SHC4: variants seen among roughly 807,000 people sequenced by gnomAD.
The protein encoded by SHC4 is SHC-transforming protein 4.
In SHC4, 41 loss-of-function variants were observed where a neutral mutation model predicts 69.4. The observed-to-expected ratio is 0.59, with a 90% CI of 0.46 to 0.77. The LOEUF is 0.77. SHC4 is among the 30% of genes least tolerant of loss of function. The probability of loss-of-function intolerance (pLI) is 0.00; values close to 1 mark genes in which losing one functional copy is unlikely to be tolerated. For missense variants in SHC4, 777 were observed against 783.8 expected, an observed-to-expected ratio of 0.99 and a Z score of 0.10; for synonymous variants, 318 against 299.3, an observed-to-expected ratio of 1.06 and a Z score of -0.64.
intron 2 of SHC4, among the ~76,000 whole-genome samples, chr15:48,891,917 C>T (rs1360732244): frequency 6.6e-6 from 1 of 152,150 alleles, no homozygotes; most frequent in East Asian, 1.9e-4. Context: ...TGCAGTGGCG[C>T]GATCTCAGCT....
At chr15:48,958,971 C>T (rs1284782980) in intron 1 of SHC4, among the ~76,000 whole-genome samples, 1 of 152,216 alleles carries the variant, frequency 6.6e-6, no homozygotes, top group Admixed American at 6.5e-5. Context: ...AAAGTCTGAG[C>T]TTCAATTAAA....
intron 4 of SHC4, among the ~76,000 whole-genome samples, chr15:48,881,375 C>CAAA (rs34708269): frequency 2.1e-4 from 23 of 109,036 alleles, no homozygotes; most frequent in East Asian, 9.6e-4. Flanking sequence ...AAAAACAAAG[C>CAAA]AAAAAAAAAA....
chr15:48,855,030 G>A (rs529486311), intron 8 of SHC4, among the ~76,000 whole-genome samples: 60 of 152,234 alleles, frequency 3.9e-4, no homozygotes, highest in African/African-American at 1.4e-3. Context: ...GGGCCTATGT[G>A]AGAGTGAAGG....
chr15:48,960,051 A>C (rs1423767297), intron 1 of SHC4, among the ~76,000 whole-genome samples: 1 of 152,232 alleles, frequency 6.6e-6, no homozygotes, highest in Non-Finnish European at 1.5e-5. Flanking sequence ...ACTTCATAAG[A>C]GATGTCATTA....
intron 1 of SHC4, among the ~76,000 whole-genome samples, chr15:48,961,685 C>G (rs568455787): frequency 1.3e-5 from 2 of 152,218 alleles, no homozygotes; most frequent in Non-Finnish European, 2.9e-5. Flanking sequence ...GTATTATTAT[C>G]TTAGTATTTC....
At chr15:48,940,961 A>G (rs1901164491) in intron 1 of SHC4, among the ~76,000 whole-genome samples, 2 of 152,216 alleles carry the variant, frequency 1.3e-5, no homozygotes, top group South Asian at 2.1e-4. Context: ...TTCTTTTTAC[A>G]TGAAACACAA....
rs141070519 is a variant in SHC4 at position 48,834,901 on chromosome 15, C to T, written c.1605G>A (p.Ala535=). The change falls in exon 11 of 12, where the codon GCG becomes GCA. Residue 535 remains alanine (A), a synonymous_variant. Coordinates refer to ENST00000332408, the MANE Select transcript of SHC4 (RefSeq NM_203349.4). ...ECYHGKLSRK[A]AESLLVKDGD... ...CATCCTTTACCAAGAGGCTCTCTGC[C>T]GCCTTCCTGCTCAGCTTGCCATGAT... 69 of 1,613,982 alleles carry T rather than the reference C, an allele frequency of 4.3e-5. No individual in the cohort carries two copies. The highest frequency in any genetic ancestry group is 1.1e-4 in the African/African-American group (8 of 74,906).
intron 11 of SHC4, among the ~76,000 whole-genome samples, chr15:48,833,646 C>T (rs1045451334): frequency 6.6e-6 from 1 of 152,162 alleles, no homozygotes; most frequent in Admixed American, 6.5e-5. Context: ...ATGGCAGTAC[C>T]ATGAGCACTC....
At chr15:48,841,867 G>T (rs1172128090) in intron 10 of SHC4, among the ~76,000 whole-genome samples, 1 of 152,174 alleles carries the variant, frequency 6.6e-6, no homozygotes, top group African/African-American at 2.4e-5. Context: ...TGACAATAAG[G>T]ACCCCTGGTT....
intron 1 of SHC4, among the ~76,000 whole-genome samples, chr15:48,938,059 A>G (rs922901219): frequency 6.6e-6 from 1 of 152,226 alleles, no homozygotes; most frequent in Non-Finnish European, 1.5e-5. Context: ...CTTTATCACC[A>G]TGTAGGCCTA....
chr15:48,838,190 TAC>T (rs1898931574), intron 10 of SHC4, among the ~76,000 whole-genome samples: 1 of 152,176 alleles, frequency 6.6e-6, no homozygotes, highest in African/African-American at 2.4e-5. Flanking sequence ...TAAGGAGGTA[TAC>T]AAGGGGATTA....
chr15:48,962,213 C>T (rs1014046470), intron 1 of SHC4, among the ~76,000 whole-genome samples: 3 of 152,132 alleles, frequency 2.0e-5, no homozygotes, highest in Non-Finnish European at 4.4e-5. Flanking sequence ...AAGTTAGCAC[C>T]GGTTCATGTC....
chr15:48,828,432 G>C (rs1435950601), intron 11 of SHC4, among the ~76,000 whole-genome samples: 1 of 152,050 alleles, frequency 6.6e-6, no homozygotes, highest in Non-Finnish European at 1.5e-5. Flanking sequence ...TTCACCTCTT[G>C]ACTATTGTGA....
At chr15:48,826,522 G>A (rs1328985578) in intron 11 of SHC4, among the ~76,000 whole-genome samples, 1 of 152,068 alleles carries the variant, frequency 6.6e-6, no homozygotes, top group African/African-American at 2.4e-5. Flanking sequence ...AGGAGAAAAG[G>A]TGCTTTTAAA....
chr15:48,887,106 A>C (rs1272778523), intron 3 of SHC4, among the ~76,000 whole-genome samples: 1 of 152,228 alleles, frequency 6.6e-6, no homozygotes, highest in Non-Finnish European at 1.5e-5. Flanking sequence ...TTTAGACTTC[A>C]AAACTCATGG....
At chr15:48,873,696 A>T (rs1595740355) in intron 4 of SHC4, among the ~76,000 whole-genome samples, 1 of 152,130 alleles carries the variant, frequency 6.6e-6, no homozygotes, top group African/African-American at 2.4e-5. Context: ...AGCTGAGATC[A>T]TGCCACTGCA....
chr15:48,881,592 T>A (rs1311639158), intron 4 of SHC4, among the ~76,000 whole-genome samples: 2 of 152,194 alleles, frequency 1.3e-5, no homozygotes, highest in Non-Finnish European at 2.9e-5. Context: ...AAAGGATGTC[T>A]CAATTTTTGC....
In SHC4 at chr15:48,840,863, G is replaced by A. The variant is rs185454281; in HGVS notation, c.1483+2546C>T. On this transcript the variant is annotated intron_variant, in intron 10 of 11. Transcript: ENST00000332408. ...CTAATAGGAAATAAAGAGGGAGATCGTACCAAAGGCCTAAATTATTAAATA... is the reference window on the plus strand; with the variant it reads ...CTAATAGGAAATAAAGAGGGAGATCATACCAAAGGCCTAAATTATTAAATA... Among the ~76,000 whole-genome samples, 192 of 149,810 alleles carry A rather than the reference G, an allele frequency of 1.3e-3. 1 individual carries two copies. The Middle Eastern group carries it at 0.014, about 11-fold the overall frequency.
chr15:48,832,404 C>T (rs2140965501), intron 11 of SHC4, among the ~76,000 whole-genome samples: 1 of 152,242 alleles, frequency 6.6e-6, no homozygotes, highest in Middle Eastern at 3.4e-3. Flanking sequence ...GATAAATGTG[C>T]TGATAGTCTT....
Sources: gnomAD v4.1 joint callset for allele counts (sites outside exome capture counted in the v4.1 genomes callset) on GRCh38, gnomAD v4.1.1 for gene constraint, MANE v1.5 for transcripts, NCBI Gene and HGNC (gene_info 2026-07-23, HGNC 2026-07-21) for gene names.